Variants in GRIK4 observed in about 807,000 individuals in gnomAD.
The protein encoded by GRIK4 is glutamate receptor ionotropic, kainate 4.
GRIK4 carries 40 observed loss-of-function variants against 104.9 expected under a neutral mutation model. The ratio of observed to expected loss-of-function variants is 0.38; its 90% CI spans 0.30 to 0.50. The LOEUF (loss-of-function observed/expected upper bound fraction) is 0.50, where lower values mean the gene tolerates loss of function less well. Ranked by LOEUF, GRIK4 falls within the 20% of genes least tolerant of loss-of-function variation. The probability of loss-of-function intolerance (pLI) is 0.93; values close to 1 mark genes in which losing one functional copy is unlikely to be tolerated. For synonymous variants in GRIK4, 485 were observed against 524.9 expected (o/e 0.92, Z 1.04); for missense variants, 1,047 against 1,308.1 (o/e 0.80, Z 3.08).
intron 1 of GRIK4, among the ~76,000 whole-genome samples, chr11:120,573,024 TA>T (rs1356033558): frequency 1.3e-5 from 2 of 152,230 alleles, no homozygotes; most frequent in Non-Finnish European, 2.9e-5. Flanking sequence ...TTTATTGATC[TA>T]ATACAGTTGT....
intron 1 of GRIK4, among the ~76,000 whole-genome samples, chr11:120,554,524 C>T (rs1165671507): frequency 2.6e-5 from 4 of 152,060 alleles, no homozygotes; most frequent in Non-Finnish European, 5.9e-5. Context: ...CCTTTTCCTT[C>T]CAGTCTCTCT....
chr11:120,578,743 G>A (rs1411245973), intron 1 of GRIK4, among the ~76,000 whole-genome samples: 1 of 152,254 alleles, frequency 6.6e-6, no homozygotes, highest in Non-Finnish European at 1.5e-5. Flanking sequence ...CAGCTGGCCA[G>A]TGGTCTCCCC....
At chr11:120,971,550 G>C (rs759995094) in intron 19 of GRIK4, among the ~76,000 whole-genome samples, 1 of 152,214 alleles carries the variant, frequency 6.6e-6, no homozygotes, top group Non-Finnish European at 1.5e-5. Context: ...GTAAACTACT[G>C]TGTACCAGGC....
At chr11:120,657,182 C>G (rs990991435) in intron 2 of GRIK4, among the ~76,000 whole-genome samples, 1 of 152,196 alleles carries the variant, frequency 6.6e-6, no homozygotes, top group African/African-American at 2.4e-5. Context: ...ATACCAGGCA[C>G]TGTTCTAGGC....
At chr11:120,659,888 T>A (rs1194721898) in intron 2 of GRIK4, among the ~76,000 whole-genome samples, 1 of 152,238 alleles carries the variant, frequency 6.6e-6, no homozygotes, top group African/African-American at 2.4e-5. Context: ...TGCGCCACCA[T>A]GCCCACCTAA....
intron 1 of GRIK4, among the ~76,000 whole-genome samples, chr11:120,629,737 C>A (rs1949309615): frequency 6.6e-6 from 1 of 152,250 alleles, no homozygotes; most frequent in South Asian, 2.1e-4. Flanking sequence ...GTATTGACAG[C>A]ACCAGCCACC....
intron 11 of GRIK4, among the ~76,000 whole-genome samples, chr11:120,895,935 C>G (rs544871094): frequency 2.0e-5 from 3 of 152,320 alleles, no homozygotes; most frequent in African/African-American, 7.2e-5. Flanking sequence ...ATAACATGGC[C>G]TGGCTGGTCC....
At chr11:120,839,460 C>G (rs1953661863) in intron 8 of GRIK4, among the ~76,000 whole-genome samples, 1 of 152,186 alleles carries the variant, frequency 6.6e-6, no homozygotes, top group African/African-American at 2.4e-5. Context: ...ACTAATAGTA[C>G]CTGCCTCGGG....
intron 1 of GRIK4, among the ~76,000 whole-genome samples, chr11:120,643,875 C>G (rs575521336): frequency 1.3e-5 from 2 of 152,214 alleles, no homozygotes; most frequent in East Asian, 3.9e-4. Flanking sequence ...TTTCTCTGAC[C>G]CTCAGTTTCC....
At chr11:120,808,510 T>C (rs1302778771) in intron 4 of GRIK4, among the ~76,000 whole-genome samples, 1 of 152,144 alleles carries the variant, frequency 6.6e-6, no homozygotes, top group African/African-American at 2.4e-5. Flanking sequence ...CGTGATACGC[T>C]GTTGGTGAGG....
intron 3 of GRIK4, among the ~76,000 whole-genome samples, chr11:120,769,509 G>A (rs1159113206): frequency 6.6e-6 from 1 of 152,090 alleles, no homozygotes. Flanking sequence ...ATAATTGTAT[G>A]TGTCATGAAA....
chr11:120,786,493 A>G (rs1952278218), intron 3 of GRIK4, among the ~76,000 whole-genome samples: 1 of 152,142 alleles, frequency 6.6e-6, no homozygotes. Context: ...CACCCTCGCC[A>G]GGTCCCAATA....
chr11:120,845,650 TACACACACACACAC>T (rs146137487), intron 8 of GRIK4, among the ~76,000 whole-genome samples: 2 of 146,138 alleles, frequency 1.4e-5, no homozygotes, highest in East Asian at 4.0e-4. Flanking sequence ...TGCACACTTC[TACACACACACACAC>T]ACACACACAC....
chr11:120,852,024 T>C (rs1235216714), intron 8 of GRIK4, among the ~76,000 whole-genome samples: 1 of 152,152 alleles, frequency 6.6e-6, no homozygotes, highest in Non-Finnish European at 1.5e-5. Context: ...TGAATGCTGA[T>C]CAGTGCCTGA....
At chr11:120,943,869 G>T (rs1224086041) in intron 14 of GRIK4, among the ~76,000 whole-genome samples, 1 of 152,170 alleles carries the variant, frequency 6.6e-6, no homozygotes, top group Non-Finnish European at 1.5e-5. Flanking sequence ...TGGCAAGTAT[G>T]CCTCTGAAGT....
chr11:120,739,108 C>G (rs1196822252), intron 3 of GRIK4, among the ~76,000 whole-genome samples: 1 of 152,202 alleles, frequency 6.6e-6, no homozygotes, highest in Non-Finnish European at 1.5e-5. Context: ...GTCCTCCCTT[C>G]TTAGTTGAGT....
At chr11:120,882,524 C>T (rs771031127) in intron 11 of GRIK4, among the ~76,000 whole-genome samples, 2 of 152,098 alleles carry the variant, frequency 1.3e-5, no homozygotes, top group Admixed American at 1.3e-4. Context: ...GAGGAAACTT[C>T]GAGACGGCAG....
At chr11:120,699,043 G>T (rs572870056) in intron 3 of GRIK4, among the ~76,000 whole-genome samples, 127 of 152,302 alleles carry the variant, frequency 8.3e-4, no homozygotes, top group Non-Finnish European at 1.4e-3. Flanking sequence ...ACCTGTGTCT[G>T]TTTGCCCCTG....
intron 1 of GRIK4, among the ~76,000 whole-genome samples, chr11:120,529,142 C>T (rs1488828092): frequency 6.6e-6 from 1 of 151,816 alleles, no homozygotes; most frequent in Non-Finnish European, 1.5e-5. Context: ...CCCCGACCCT[C>T]ATGTGCTCTT....
Sources: allele counts gnomAD v4.1 joint callset (sites outside exome capture counted in the v4.1 genomes callset), GRCh38; gene constraint gnomAD v4.1.1; transcripts MANE v1.5; gene names NCBI Gene and HGNC (gene_info 2026-07-23, HGNC 2026-07-21).